The following CNTLN variants were observed in gnomAD, a reference collection of about 807,000 sequenced individuals.
CNTLN encodes the protein centlein, centrosomal protein.
In CNTLN, 212 loss-of-function variants were observed where a neutral mutation model predicts 180.0. The ratio of observed to expected loss-of-function variants is 1.18; its 90% CI spans 1.05 to 1.32. CNTLN has a LOEUF of 1.32. Among genes scored for constraint, CNTLN ranks in the 40% most tolerant of loss-of-function variants. The pLI is 0.00. For missense variants in CNTLN, 2,095 were observed against 1,610.9 expected (o/e 1.30, Z -5.14); for synonymous variants, 722 against 563.1 (o/e 1.28, Z -3.99).
intron 12 of CNTLN, among the ~76,000 whole-genome samples, chr9:17,361,587 T>C (rs1823395948): frequency 6.6e-6 from 1 of 152,238 alleles, no homozygotes; most frequent in South Asian, 2.1e-4. Context: ...CAGATTTCTT[T>C]AGCTTTTTTC....
At chr9:17,156,837 TAATAA>T (rs1188337379) in intron 2 of CNTLN, among the ~76,000 whole-genome samples, 2 of 152,216 alleles carry the variant, frequency 1.3e-5, no homozygotes, top group Non-Finnish European at 2.9e-5. Context: ...ATAATTGAAA[TAATAA>T]AATAGAATTG....
intron 2 of CNTLN, among the ~76,000 whole-genome samples, chr9:17,211,309 G>C (rs57533415): frequency 0.042 from 6,329 of 152,236 alleles, 433 homozygotes; most frequent in African/African-American, 0.14. Flanking sequence ...TTATTAAATA[G>C]GGAATCCTTT....
intron 15 of CNTLN, among the ~76,000 whole-genome samples, chr9:17,398,022 G>C (rs1826668936): frequency 6.6e-6 from 1 of 151,708 alleles, no homozygotes; most frequent in Non-Finnish European, 1.5e-5. Context: ...GAAAAAAATA[G>C]TATGTATATA....
At chr9:17,428,991 C>T (rs183089703) in intron 18 of CNTLN, among the ~76,000 whole-genome samples, 2 of 151,946 alleles carry the variant, frequency 1.3e-5, no homozygotes, top group East Asian at 1.9e-4. Context: ...TGTCTATTAT[C>T]GTGAGTTATT....
chr9:17,257,803 T>C lies in CNTLN; in HGVS notation c.850-15930T>C, dbSNP rs879587284. The stretch of plus-strand genomic sequence containing the variant: ...TTGAGAAGTGTCTGTTCATGTCCTT[T>C]GCCCACTTTTTGATGGGGTTGTTTG... On this transcript the variant is annotated intron_variant, in intron 5 of 25. Transcript: ENST00000380647. Among the ~76,000 whole-genome samples the C allele has an allele frequency of 2.2e-3, 323 of 148,520 alleles. 1 individual carries two copies. The highest frequency in any genetic ancestry group is 2.6e-3 in the African/African-American group (100 of 38,868).
At chr9:17,268,918 T>A (rs886940407) in intron 5 of CNTLN, among the ~76,000 whole-genome samples, 1 of 151,946 alleles carries the variant, frequency 6.6e-6, no homozygotes, top group East Asian at 1.9e-4. Context: ...AGTGACCCGA[T>A]TTTCCAGGTG....
chr9:17,246,796 C>T (rs990237750), intron 5 of CNTLN, among the ~76,000 whole-genome samples: 5 of 152,144 alleles, frequency 3.3e-5, no homozygotes, highest in South Asian at 2.1e-4. Flanking sequence ...TTCTTCAAGC[C>T]GAGAAGTCTC....
chr9:17,400,028 G>A (rs1826846745), intron 15 of CNTLN, among the ~76,000 whole-genome samples: 1 of 152,066 alleles, frequency 6.6e-6, no homozygotes, highest in Non-Finnish European at 1.5e-5. Context: ...ATATTAAATA[G>A]ATTTGTTTGG....
At chr9:17,304,804 C>G (rs1229704816) in intron 7 of CNTLN, among the ~76,000 whole-genome samples, 1 of 152,070 alleles carries the variant, frequency 6.6e-6, no homozygotes, top group South Asian at 2.1e-4. Context: ...GATTCCATCT[C>G]ATTCTTATAA....
the CNTLN span, among the ~76,000 whole-genome samples, chr9:17,521,638 A>G: frequency 1.3e-5 from 2 of 152,212 alleles, no homozygotes; most frequent in Admixed American, 6.5e-5. Flanking sequence ...TTTCTCCTAG[A>G]TGGTGTGGAA....
In CNTLN at chr9:17,503,425, T is replaced by C. The variant is rs1018495764; in HGVS notation, c.*773T>C. 3 of 152,150 alleles carry C rather than the reference T, an allele frequency of 2.0e-5. No homozygotes were observed. Among genetic ancestry groups the C allele is most frequent in the African/African-American group, 7.2e-5 (3 of 41,432 alleles). The allele number at this position is 152,150 out of a possible 1,614,324, so 9.4% of individuals were successfully genotyped here. A position where few individuals can be genotyped will look rare whatever the true frequency, so the allele number is the denominator to read the frequency against. Reference sequence around the variant, plus strand: ...AGATTCCTGGACATTCCCACCTCATTTCACCTCTTCACCGTGTTCCTGCCA... The same window carrying C: ...AGATTCCTGGACATTCCCACCTCATCTCACCTCTTCACCGTGTTCCTGCCA... On this transcript the variant is annotated 3_prime_UTR_variant, in exon 26 of 26. Transcript: ENST00000380647.
intron 2 of CNTLN, among the ~76,000 whole-genome samples, chr9:17,217,348 T>C (rs550538948): frequency 6.6e-6 from 1 of 152,350 alleles, no homozygotes; most frequent in African/African-American, 2.4e-5. Flanking sequence ...CAACATTCCA[T>C]GGGGAAGAAA....
intron 12 of CNTLN, among the ~76,000 whole-genome samples, chr9:17,343,589 G>A (rs1821650010): frequency 6.6e-6 from 1 of 152,144 alleles, no homozygotes; most frequent in Non-Finnish European, 1.5e-5. Flanking sequence ...ATGCTATAAT[G>A]AAGGCTCTTA....
intron 5 of CNTLN, among the ~76,000 whole-genome samples, chr9:17,267,422 G>T (rs949061530): frequency 6.6e-6 from 1 of 152,110 alleles, no homozygotes; most frequent in African/African-American, 2.4e-5. Flanking sequence ...TTCGTCTGAT[G>T]GGCTTCCCTT....
rs939440464 is a variant in CNTLN, at chr9:17,261,447, G to A, written c.850-12286G>A. Among the ~76,000 whole-genome samples, 53 of 151,378 alleles carry A rather than the reference G, an allele frequency of 3.5e-4. 1 individual carries two copies. Among genetic ancestry groups the A allele is most frequent in the Non-Finnish European group, 1.3e-4 (9 of 67,948 alleles). ...TATTTTTTGTGGCTATTGTAAATGGGATTGTGTTTGATTTGCTTTGCAGCT... is the reference window on the plus strand; with the variant it reads ...TATTTTTTGTGGCTATTGTAAATGGAATTGTGTTTGATTTGCTTTGCAGCT... On this transcript the variant is annotated intron_variant, in intron 5 of 25. Transcript: ENST00000380647.
chr9:17,161,725 T>C (rs1346686006), intron 2 of CNTLN, among the ~76,000 whole-genome samples: 2 of 152,204 alleles, frequency 1.3e-5, no homozygotes, highest in African/African-American at 4.8e-5. Context: ...ATATTGTGAA[T>C]AATTTTGTAG....
intron 6 of CNTLN, among the ~76,000 whole-genome samples, chr9:17,295,997 A>AGAGAGAGAGAGAGTGT (rs1342910465): frequency 8.8e-5 from 8 of 91,342 alleles, no homozygotes; most frequent in African/African-American, 4.1e-4. Context: ...AGAGAGAGAG[A>AGAGAGAGAGAGAGTGT]GTGTGTGTGT....
At chr9:17,449,522 C>G (rs1830666760) in intron 18 of CNTLN, among the ~76,000 whole-genome samples, 4 of 151,936 alleles carry the variant, frequency 2.6e-5, no homozygotes, top group African/African-American at 9.7e-5. Context: ...AAAGAGAGAG[C>G]TTTTCTTCTC....
In CNTLN at chr9:17,137,516, T is replaced by C. The variant is rs78655784; in HGVS notation, c.360+2091T>C. Among the ~76,000 whole-genome samples, 1,727 of 152,278 alleles carry C rather than the reference T, an allele frequency of 0.011. 141 individuals carry two copies. The East Asian group carries it at 0.22, about 20-fold the overall frequency. On this transcript the variant is annotated intron_variant, in intron 1 of 25. Transcript: ENST00000380647. ...AAATTTTGTATCTCAATCTAGTAAG[T>C]ACACACATATACAAACATATATTTT...
Sources: gnomAD v4.1 joint callset for allele counts (sites outside exome capture counted in the v4.1 genomes callset) on GRCh38, gnomAD v4.1.1 for gene constraint, MANE v1.5 for transcripts, NCBI Gene and HGNC (gene_info 2026-07-23, HGNC 2026-07-21) for gene names.